PAFAH1B2: variants seen among roughly 807,000 people sequenced by gnomAD.
PAFAH1B2 encodes platelet-activating factor acetylhydrolase IB subunit alpha2.
A neutral mutation model predicts 28.0 loss-of-function variants in PAFAH1B2; 8 were observed. That is an observed-to-expected ratio of 0.29 (90% CI 0.17 to 0.52). The LOEUF is 0.52. PAFAH1B2 is among the 20% of genes least tolerant of loss of function. The pLI, the probability that PAFAH1B2 is intolerant of heterozygous loss-of-function variation, is 0.97. For synonymous variants in PAFAH1B2, 104 were observed against 103.2 expected (o/e 1.01, Z -0.05); for missense variants, 190 against 282.6 (o/e 0.67, Z 2.35).
intron 5 of PAFAH1B2, among the ~76,000 whole-genome samples, chr11:117,164,412 A>AAC (rs552629179): frequency 8.8e-4 from 134 of 151,946 alleles, no homozygotes; most frequent in African/African-American, 3.2e-3. Flanking sequence ...GTCTCAAAAA[A>AAC]AAAAAGTATG....
chr11:117,172,371 TATATATATATATATATATATATA>T (rs1956673626), downstream of PAFAH1B2, among the ~76,000 whole-genome samples: 7 of 2,988 alleles, frequency 2.3e-3, no homozygotes, highest in African/African-American at 6.5e-3. Context: ...TATATATATA[TATATATATATATATATATATATA>T]TATATATATA....
intron 1 of PAFAH1B2, among the ~76,000 whole-genome samples, chr11:117,149,684 G>A (rs1052534980): frequency 2.7e-4 from 41 of 151,014 alleles, no homozygotes; most frequent in Non-Finnish European, 7.4e-5. Context: ...TGCCTGCCTC[G>A]GCCTCCCAAA....
chr11:117,163,049 AATC>A (rs1956410350), intron 4 of PAFAH1B2, among the ~76,000 whole-genome samples: 1 of 152,150 alleles, frequency 6.6e-6, no homozygotes, highest in Non-Finnish European at 1.5e-5. Context: ...GATTTTGAGA[AATC>A]AGCTTCCTGC....
intron 4 of PAFAH1B2, among the ~76,000 whole-genome samples, chr11:117,162,917 C>T (rs926920898): frequency 6.7e-6 from 1 of 150,192 alleles, no homozygotes; most frequent in African/African-American, 2.5e-5. Flanking sequence ...GTCTTGAACT[C>T]CTGGGCTGAA....
At chr11:117,174,706 G>A (rs1301620839), downstream of PAFAH1B2, among the ~76,000 whole-genome samples, 2 of 152,112 alleles carry the variant, frequency 1.3e-5, no homozygotes, top group Non-Finnish European at 2.9e-5. Flanking sequence ...TCGAATTCCT[G>A]ATCTCAGGTG....
At chr11:117,165,997 C>T (rs149903994) in intron 5 of PAFAH1B2, among the ~76,000 whole-genome samples, 135 of 152,224 alleles carry the variant, frequency 8.9e-4, no homozygotes, top group African/African-American at 3.2e-3. Flanking sequence ...TGCCACCATG[C>T]CCGGCTAATT....
At chr11:117,150,895 G>A (rs959115525) in intron 1 of PAFAH1B2, among the ~76,000 whole-genome samples, 3 of 151,878 alleles carry the variant, frequency 2.0e-5, no homozygotes, top group Middle Eastern at 6.8e-3. Context: ...GGCTGAGGCA[G>A]GAGAATGGCG....
Position 117,169,506 on chromosome 11 carries a change from TGC to T in PAFAH1B2, c.*1809_*1810del. ...TGTATGTTGGAGGAGGGCTTACTGA[TGC>T]GTGCTAAGACCGATTTCTGATTGAG... On this transcript the variant is annotated 3_prime_UTR_variant, in exon 6 of 6. Transcript: ENST00000527958. The T allele has an allele frequency of 9.5e-7, 1 of 1,055,174 alleles. No homozygotes were observed. The highest frequency in any genetic ancestry group is 1.1e-6 in the Non-Finnish European group (1 of 872,874). The allele number at this position is 1,055,174 out of a possible 1,614,324, so 65.4% of individuals were successfully genotyped here.
At chr11:117,152,600 T>G in intron 2 of PAFAH1B2, 72 bp downstream of exon 2, 2 of 1,100,542 alleles carry the variant, frequency 1.8e-6, no homozygotes, top group Non-Finnish European at 1.4e-6. Flanking sequence ...GTTTTAGTTT[T>G]TGAGACAAGG....
At chr11:117,145,987 C>G (rs577920089) in intron 1 of PAFAH1B2, among the ~76,000 whole-genome samples, 4 of 152,320 alleles carry the variant, frequency 2.6e-5, no homozygotes, top group African/African-American at 7.2e-5. Flanking sequence ...AAGTCGGTTA[C>G]TCCTCGTCTT....
At position 117,159,201 on chromosome 11, in the gene PAFAH1B2, T is replaced by C. The variant is rs934371168; in HGVS notation, c.82-733T>C. ...GGAAAAGATAAACTTCTAAACAGCA[T>C]GTTACATGTATTTTTCTATTCTGGT... On this transcript the variant is annotated intron_variant, in intron 2 of 5. Coordinates refer to ENST00000527958, the MANE Select transcript of PAFAH1B2 (RefSeq NM_002572.4). 2.6e-5 allele frequency among the ~76,000 whole-genome samples: 4 copies of C among 152,354 alleles called. No individual in the cohort carries two copies. In the South Asian group the frequency reaches 6.2e-4, roughly 24 times the overall value.
chr11:117,163,700 C>G, intron 4 of PAFAH1B2, 70 bp from the exon 5 acceptor site: 2 of 1,352,096 alleles, frequency 1.5e-6, no homozygotes, highest in Non-Finnish European at 2.0e-6. Context: ...AGATTTTCAT[C>G]TAAATGTTGG....
chr11:117,149,722 G>A (rs1397252403), intron 1 of PAFAH1B2, among the ~76,000 whole-genome samples: 10 of 151,792 alleles, frequency 6.6e-5, no homozygotes, highest in Non-Finnish European at 8.8e-5. Flanking sequence ...GTGAGCCACC[G>A]TGCCCGGCCA....
Position 117,161,013 on chromosome 11 carries a change from A to G in PAFAH1B2, c.172-132A>G, listed in dbSNP as rs1956359083. ...ACAATGGTATCTTAAAAGCCCTTAA[A>G]CAGTGTCACACCATTACAGTGTTAT... On this transcript the variant is annotated intron_variant, in intron 3 of 5. Transcript: ENST00000527958. 4.7e-6 allele frequency: 3 copies of G among 642,576 alleles called. No homozygotes were observed. The South Asian group carries it at 5.6e-5, about 12-fold the overall frequency. The allele number at this position is 642,576 out of a possible 1,614,324, so 39.8% of individuals were successfully genotyped here.
chr11:117,174,976 C>G, downstream of PAFAH1B2: 1 of 1,479,694 alleles, frequency 6.8e-7, no homozygotes, highest in South Asian at 1.3e-5. Context: ...GTCCTCTCAC[C>G]CCAAACTTCA....
At chr11:117,163,454 C>G (rs1470775814) in intron 4 of PAFAH1B2, among the ~76,000 whole-genome samples, 1 of 151,660 alleles carries the variant, frequency 6.6e-6, no homozygotes, top group Non-Finnish European at 1.5e-5. Context: ...GGTGGATTAC[C>G]TGAGGTCAGG....
chr11:117,174,978 C>G (rs1312904766), downstream of PAFAH1B2: 2 of 1,478,322 alleles, frequency 1.4e-6, no homozygotes, highest in Non-Finnish European at 1.8e-6. Flanking sequence ...CCTCTCACCC[C>G]AAACTTCATA....
At position 117,171,040 on chromosome 11, in the gene PAFAH1B2, G is replaced by C. The variant is rs1591757698; in HGVS notation, c.*3341G>C. On this transcript the variant is annotated 3_prime_UTR_variant, in exon 6 of 6. Coordinates refer to ENST00000527958, the MANE Select transcript of PAFAH1B2 (RefSeq NM_002572.4). ...ATTTCAATATAAATGTAAACATTTT[G>C]CTCAATTTGCTGGTGTCTTTCTGTC... is the stretch of plus-strand genomic sequence containing the variant. 4.9e-6 allele frequency: 5 copies of C among 1,029,934 alleles called. No homozygotes were observed. The Admixed American group carries it at 2.9e-4, about 59-fold the overall frequency. 63.8% of individuals were successfully genotyped at this position (1,029,934 alleles called of 1,614,324 possible). A position where few individuals can be genotyped will look rare whatever the true frequency, so the allele number is the denominator to read the frequency against.
intron 2 of PAFAH1B2, among the ~76,000 whole-genome samples, chr11:117,158,789 C>T (rs552445554): frequency 2.0e-5 from 3 of 152,032 alleles, no homozygotes; most frequent in African/African-American, 7.2e-5. Context: ...GGACTACAGG[C>T]ACCCGCCACC....
Sources: allele counts gnomAD v4.1 joint callset (sites outside exome capture counted in the v4.1 genomes callset), GRCh38; gene constraint gnomAD v4.1.1; transcripts MANE v1.5; gene names NCBI Gene and HGNC (gene_info 2026-07-23, HGNC 2026-07-21).